Variants in ZNF679 observed in about 807,000 individuals in gnomAD.
ZNF679 encodes the protein hypothetical protein MGC42415.
Under a neutral mutation model 13.4 loss-of-function variants are expected in ZNF679, and 10 were observed. That is an observed-to-expected ratio of 0.75 (90% CI 0.46 to 1.27). The LOEUF (loss-of-function observed/expected upper bound fraction) is 1.27, where lower values mean the gene tolerates loss of function less well. Among genes scored for constraint, ZNF679 ranks in the 50% most tolerant of loss-of-function variants. The pLI, the probability that ZNF679 is intolerant of heterozygous loss-of-function variation, is 0.00. For missense variants in ZNF679, 525 were observed against 477.8 expected (o/e 1.10, Z -0.92); for synonymous variants, 179 against 162.5 (o/e 1.10, Z -0.77).
intron 1 of ZNF679, among the ~76,000 whole-genome samples, chr7:64,244,044 G>C (rs1258591576): frequency 6.6e-6 from 1 of 152,108 alleles, no homozygotes; most frequent in Admixed American, 6.5e-5. Flanking sequence ...GAGGTCAGGA[G>C]TTCCAAGACA....
intron 1 of ZNF679, among the ~76,000 whole-genome samples, chr7:64,237,005 G>A (rs867167583): frequency 4.9e-3 from 547 of 110,554 alleles, no homozygotes; most frequent in Middle Eastern, 5.5e-3. Flanking sequence ...GAAAGAAAAA[G>A]AAAGAAAGAA....
At chr7:64,244,881 C>A (rs902804990) in intron 1 of ZNF679, among the ~76,000 whole-genome samples, 1 of 152,202 alleles carries the variant, frequency 6.6e-6, no homozygotes, top group African/African-American at 2.4e-5. Flanking sequence ...AACTATAACA[C>A]AAATTTCAAA....
intron 2 of ZNF679, among the ~76,000 whole-genome samples, chr7:64,254,372 C>T (rs1435543985): frequency 6.6e-6 from 1 of 152,078 alleles, no homozygotes; most frequent in Admixed American, 6.5e-5. Context: ...CTGCCTCAGC[C>T]TCCCAAAGTG....
intron 2 of ZNF679, among the ~76,000 whole-genome samples, chr7:64,258,859 AT>A (rs76198253): frequency 0.3 from 46,213 of 151,522 alleles, 8,244 homozygotes; most frequent in East Asian, 0.65. Context: ...CTGAAAAAAA[AT>A]TTTTCTATAT....
chr7:64,242,755 GTAAT>G (rs1787814863), intron 1 of ZNF679, among the ~76,000 whole-genome samples: 1 of 127,838 alleles, frequency 7.8e-6, no homozygotes, highest in Non-Finnish European at 1.6e-5. Context: ...CATGTGTGTG[GTAAT>G]CACCTGTGAT....
intron 1 of ZNF679, among the ~76,000 whole-genome samples, chr7:64,248,095 A>G (rs913383633): frequency 6.6e-6 from 1 of 152,084 alleles, no homozygotes; most frequent in Non-Finnish European, 1.5e-5. Flanking sequence ...AATCATGACC[A>G]TGACAGAAGG....
chr7:64,231,277 T>A (rs1787636188), intron 1 of ZNF679, among the ~76,000 whole-genome samples: 1 of 152,212 alleles, frequency 6.6e-6, no homozygotes, highest in Non-Finnish European at 1.5e-5. Flanking sequence ...CTTAAGTGTA[T>A]GTCACAATCT....
At chr7:64,245,288 G>T (rs1488803921) in intron 1 of ZNF679, among the ~76,000 whole-genome samples, 1 of 152,084 alleles carries the variant, frequency 6.6e-6, no homozygotes, top group Non-Finnish European at 1.5e-5. Context: ...GGCCTCCCAA[G>T]GTTCTAGGAT....
chr7:64,253,135 A>G (rs1014790106), intron 2 of ZNF679, among the ~76,000 whole-genome samples: 4 of 152,218 alleles, frequency 2.6e-5, no homozygotes, highest in Admixed American at 2.6e-4. Flanking sequence ...AGAAAATGAT[A>G]TGTGTATTGT....
intron 1 of ZNF679, among the ~76,000 whole-genome samples, chr7:64,234,252 G>A (rs1852106): frequency 0.29 from 43,503 of 152,016 alleles, 6,238 homozygotes; most frequent in East Asian, 0.32. Flanking sequence ...AAGAAATACT[G>A]GAGTGGGTGT....
At chr7:64,235,000 G>T (rs1787689318) in intron 1 of ZNF679, among the ~76,000 whole-genome samples, 1 of 152,078 alleles carries the variant, frequency 6.6e-6, no homozygotes, top group Non-Finnish European at 1.5e-5. Context: ...ACCATGCCTG[G>T]CTAATTTTTG....
At chr7:64,236,935 AAG>A (rs1297517883) in intron 1 of ZNF679, among the ~76,000 whole-genome samples, 41 of 43,528 alleles carry the variant, frequency 9.4e-4, no homozygotes, top group African/African-American at 3.4e-3. Flanking sequence ...GAAAGAAAGA[AAG>A]AAAGAAAGAA....
intron 1 of ZNF679, among the ~76,000 whole-genome samples, chr7:64,241,579 A>G (rs560542860): frequency 8.7e-4 from 133 of 152,360 alleles, no homozygotes; most frequent in African/African-American, 3.1e-3. Flanking sequence ...GGGTTCAGGC[A>G]GGAAAGAAGA....
chr7:64,262,896 T>G (rs1450334410), intron 4 of ZNF679, among the ~76,000 whole-genome samples: 1 of 152,210 alleles, frequency 6.6e-6, no homozygotes, highest in African/African-American at 2.4e-5. Context: ...TATTGACATC[T>G]TAACAAATTA....
chr7:64,236,975 A>AAGAAAGAAAGAGAGAG (rs201487010), intron 1 of ZNF679, among the ~76,000 whole-genome samples: 1 of 16,264 alleles, frequency 6.1e-5, no homozygotes, highest in African/African-American at 1.6e-4. Context: ...GAAAGAAAGA[A>AAGAAAGAAAGAGAGAG]AAAGAAAGAA....
intron 2 of ZNF679, among the ~76,000 whole-genome samples, chr7:64,251,699 A>G (rs1562844777): frequency 6.6e-6 from 1 of 152,120 alleles, no homozygotes; most frequent in Non-Finnish European, 1.5e-5. Flanking sequence ...CATGTCTGCC[A>G]CAGTGTCTAG....
chr7:64,231,420 C>A (rs962809247), intron 1 of ZNF679, among the ~76,000 whole-genome samples: 1 of 152,176 alleles, frequency 6.6e-6, no homozygotes, highest in Admixed American at 6.5e-5. Flanking sequence ...GTGATATGAA[C>A]AATTTCTTCT....
chr7:64,230,598 G>C (rs980470143), intron 1 of ZNF679, among the ~76,000 whole-genome samples: 1 of 151,572 alleles, frequency 6.6e-6, no homozygotes, highest in African/African-American at 2.4e-5. Flanking sequence ...ATATCACCAA[G>C]GTGTAGCCCA....
At chr7:64,234,467 T>C (rs1211971463) in intron 1 of ZNF679, among the ~76,000 whole-genome samples, 1 of 152,082 alleles carries the variant, frequency 6.6e-6, no homozygotes, top group Non-Finnish European at 1.5e-5. Flanking sequence ...TGGGGGGACA[T>C]CTACTTACAG....
Sources: gnomAD v4.1 joint callset for allele counts (sites outside exome capture counted in the v4.1 genomes callset) on GRCh38, gnomAD v4.1.1 for gene constraint, MANE v1.5 for transcripts, NCBI Gene and HGNC (gene_info 2026-07-23, HGNC 2026-07-21) for gene names.